Variants in MYT1L observed in about 807,000 individuals in gnomAD.
MYT1L encodes the protein myelin transcription factor 1-like protein.
A neutral mutation model predicts 126.7 loss-of-function variants in MYT1L; 12 were observed. The observed-to-expected ratio is 0.09, with a 90% CI of 0.06 to 0.15. MYT1L has a LOEUF of 0.15. MYT1L is among the 10% of genes least tolerant of loss of function. The probability of loss-of-function intolerance (pLI) is 1.00; values close to 1 mark genes in which losing one functional copy is unlikely to be tolerated. For synonymous variants in MYT1L, 541 were observed against 604.2 expected, an observed-to-expected ratio of 0.90 and a Z score of 1.53; for missense variants, 979 against 1,585.2, an observed-to-expected ratio of 0.62 and a Z score of 6.49.
intron 1 of MYT1L, among the ~76,000 whole-genome samples, chr2:2,313,163 A>T (rs999504519): frequency 7.9e-5 from 12 of 152,200 alleles, no homozygotes; most frequent in African/African-American, 2.9e-4. Flanking sequence ...AGGGTGAAAG[A>T]AGGAGCTTTT....
intron 2 of MYT1L, among the ~76,000 whole-genome samples, chr2:2,218,637 G>C (rs907760549): frequency 8.5e-6 from 1 of 118,202 alleles, no homozygotes; most frequent in African/African-American, 3.2e-5. Context: ...ACTTGACTGT[G>C]GTGATGCATG....
intron 2 of MYT1L, among the ~76,000 whole-genome samples, chr2:2,186,421 C>A (rs1184205354): frequency 6.6e-6 from 1 of 152,204 alleles, no homozygotes; most frequent in African/African-American, 2.4e-5. Flanking sequence ...TTTTTTGAAG[C>A]CAAGATAGCG....
At chr2:1,957,369 T>C (rs2058577305) in intron 8 of MYT1L, among the ~76,000 whole-genome samples, 1 of 152,206 alleles carries the variant, frequency 6.6e-6, no homozygotes, top group Non-Finnish European at 1.5e-5. Context: ...ACCTGTTATC[T>C]AAGCAGTATA....
At chr2:1,893,233 C>T (rs939722059) in intron 14 of MYT1L, among the ~76,000 whole-genome samples, 11 of 152,194 alleles carry the variant, frequency 7.2e-5, no homozygotes, top group Admixed American at 7.2e-4. Context: ...AGGATTTATC[C>T]GATGGGTCCT....
At chr2:2,142,630 C>T (rs970884465) in intron 3 of MYT1L, among the ~76,000 whole-genome samples, 5 of 152,150 alleles carry the variant, frequency 3.3e-5, no homozygotes, top group African/African-American at 4.8e-5. Context: ...GTTAGAGATT[C>T]TGTTCCCACT....
At chr2:2,291,060 T>TAA (rs202229180) in intron 1 of MYT1L, among the ~76,000 whole-genome samples, 78 of 144,258 alleles carry the variant, frequency 5.4e-4, no homozygotes, top group African/African-American at 1.5e-3. Flanking sequence ...AAAGGCTAGG[T>TAA]AAAAAAAAAA....
chr2:2,206,337 T>C (rs1376073663), intron 2 of MYT1L, among the ~76,000 whole-genome samples: 2 of 152,224 alleles, frequency 1.3e-5, no homozygotes, highest in African/African-American at 4.8e-5. Context: ...CTTTTTCTTT[T>C]ATTGCTGTTT....
intron 5 of MYT1L, among the ~76,000 whole-genome samples, chr2:1,990,562 C>T (rs1437793474): frequency 6.6e-6 from 1 of 152,176 alleles, no homozygotes; most frequent in African/African-American, 2.4e-5. Flanking sequence ...CAGGGTCACA[C>T]CCTGCCTTTG....
chr2:2,159,441 A>G (rs977155383), intron 3 of MYT1L, among the ~76,000 whole-genome samples: 1 of 152,020 alleles, frequency 6.6e-6, no homozygotes, highest in Non-Finnish European at 1.5e-5. Context: ...AAAGCTCCGG[A>G]AACTCCCTTA....
intron 10 of MYT1L, among the ~76,000 whole-genome samples, chr2:1,919,895 A>G (rs570813335): frequency 1.2e-3 from 186 of 152,016 alleles, no homozygotes; most frequent in African/African-American, 4.3e-3. Flanking sequence ...CGCCCGGCTG[A>G]CTTTTTGTAT....
chr2:2,330,296 A>G (rs1012239762), intron 1 of MYT1L, among the ~76,000 whole-genome samples: 1 of 152,094 alleles, frequency 6.6e-6, no homozygotes, highest in Non-Finnish European at 1.5e-5. Context: ...ACTAAATTCA[A>G]AATCTGTTCT....
intron 21 of MYT1L, among the ~76,000 whole-genome samples, chr2:1,814,039 AAAAAG>A (rs796158444): frequency 8.0e-5 from 12 of 149,324 alleles, no homozygotes; most frequent in Admixed American, 2.0e-4. Flanking sequence ...AAAAAAAAAA[AAAAAG>A]AAAGAAAAAT....
At chr2:2,032,739 A>G (rs1257020389) in intron 4 of MYT1L, among the ~76,000 whole-genome samples, 4 of 77,258 alleles carry the variant, frequency 5.2e-5, no homozygotes, top group African/African-American at 1.6e-4. Context: ...TTATACACAC[A>G]CCCGTCGCCA....
chr2:1,942,341 C>T (rs1012878378), intron 9 of MYT1L, among the ~76,000 whole-genome samples: 7 of 152,206 alleles, frequency 4.6e-5, no homozygotes, highest in African/African-American at 1.7e-4. Flanking sequence ...TCCCAACACA[C>T]AGCATGGCGG....
At chr2:2,250,312 A>C (rs1479948791) in intron 2 of MYT1L, among the ~76,000 whole-genome samples, 1 of 152,194 alleles carries the variant, frequency 6.6e-6, no homozygotes, top group East Asian at 1.9e-4. Context: ...TGGTGCATAT[A>C]CACAATGGAG....
intron 3 of MYT1L, among the ~76,000 whole-genome samples, chr2:2,151,092 T>C (rs923776785): frequency 2.6e-5 from 4 of 152,154 alleles, no homozygotes; most frequent in African/African-American, 9.7e-5. Flanking sequence ...AGTAAAAACT[T>C]TGAGTCTGTG....
chr2:1,880,253 C>T (rs1278008588), intron 18 of MYT1L, among the ~76,000 whole-genome samples: 1 of 152,214 alleles, frequency 6.6e-6, no homozygotes, highest in Non-Finnish European at 1.5e-5. Context: ...AAACAATATG[C>T]TGACGCTGCC....
At chr2:2,246,397 G>A (rs1451150093) in intron 2 of MYT1L, among the ~76,000 whole-genome samples, 1 of 152,174 alleles carries the variant, frequency 6.6e-6, no homozygotes, top group Non-Finnish European at 1.5e-5. Context: ...GGCTAGGATG[G>A]GGAGACAGTG....
intron 1 of MYT1L, among the ~76,000 whole-genome samples, chr2:2,301,859 A>C (rs1188199004): frequency 6.6e-6 from 1 of 151,696 alleles, no homozygotes; most frequent in Non-Finnish European, 1.5e-5. Context: ...GAAAATTTAC[A>C]TATGGTCATA....
Sources: gnomAD v4.1 joint callset for allele counts (sites outside exome capture counted in the v4.1 genomes callset) on GRCh38, gnomAD v4.1.1 for gene constraint, MANE v1.5 for transcripts, NCBI Gene and HGNC (gene_info 2026-07-23, HGNC 2026-07-21) for gene names.